MTUS2: variants seen among roughly 807,000 people sequenced by gnomAD.
MTUS2 encodes the protein microtubule-associated tumor suppressor candidate 2.
In MTUS2, 40 loss-of-function variants were observed where a neutral mutation model predicts 114.1. The ratio of observed to expected loss-of-function variants is 0.35; its 90% confidence interval spans 0.27 to 0.46. The LOEUF is 0.46. Among genes scored for constraint, MTUS2 ranks in the 20% least tolerant of loss-of-function variants. The pLI is 1.00. For synonymous variants in MTUS2, 688 were observed against 672.0 expected (o/e 1.02, Z -0.37); for missense variants, 1,679 against 1,705.4 (o/e 0.98, Z 0.27).
At chr13:29,256,219 A>G (rs183556355) in intron 5 of MTUS2, among the ~76,000 whole-genome samples, 232 of 152,330 alleles carry the variant, frequency 1.5e-3, no homozygotes, top group Non-Finnish European at 2.1e-3. Flanking sequence ...GCTTATCCCA[A>G]TGGTGGTTGG....
At chr13:29,457,580 A>G (rs1879210967) in intron 9 of MTUS2, among the ~76,000 whole-genome samples, 1 of 152,096 alleles carries the variant, frequency 6.6e-6, no homozygotes, top group African/African-American at 2.4e-5. Context: ...CTGTCTTGCT[A>G]TTATAAATAA....
chr13:28,927,637 A>G (rs543059591), intron 2 of MTUS2, among the ~76,000 whole-genome samples: 3 of 152,356 alleles, frequency 2.0e-5, no homozygotes, highest in Non-Finnish European at 4.4e-5. Context: ...CAGCCAAGCA[A>G]TAATCCTAGA....
intron 2 of MTUS2, among the ~76,000 whole-genome samples, chr13:28,962,205 G>A (rs989674304): frequency 6.6e-6 from 1 of 151,892 alleles, no homozygotes; most frequent in East Asian, 1.9e-4. Flanking sequence ...AAGCGTGTAT[G>A]TGTATATATA....
intron 4 of MTUS2, among the ~76,000 whole-genome samples, chr13:29,050,301 C>T (rs547539101): frequency 6.6e-6 from 1 of 152,262 alleles, no homozygotes; most frequent in Non-Finnish European, 1.5e-5. Context: ...GACTGGAACT[C>T]CCCCTTATGC....
At chr13:29,332,984 C>A (rs1900869219) in intron 7 of MTUS2, among the ~76,000 whole-genome samples, 1 of 151,666 alleles carries the variant, frequency 6.6e-6, no homozygotes, top group Admixed American at 6.6e-5. Flanking sequence ...TTAGATCTTT[C>A]CCGCTTTCTC....
At chr13:29,207,213 A>T (rs879856534) in intron 5 of MTUS2, among the ~76,000 whole-genome samples, 10 of 152,046 alleles carry the variant, frequency 6.6e-5, no homozygotes, top group Admixed American at 1.3e-4. Flanking sequence ...GAGTTCTTTA[A>T]TTGATTGTCA....
intron 9 of MTUS2, among the ~76,000 whole-genome samples, chr13:29,478,832 G>T (rs1880921609): frequency 6.6e-6 from 1 of 152,088 alleles, no homozygotes; most frequent in Non-Finnish European, 1.5e-5. Flanking sequence ...GACCACTGGG[G>T]ACAGTGTTAG....
At chr13:29,164,273 C>A (rs929158390) in intron 5 of MTUS2, among the ~76,000 whole-genome samples, 6 of 152,222 alleles carry the variant, frequency 3.9e-5, no homozygotes, top group Admixed American at 3.9e-4. Context: ...CCTTTCCAGG[C>A]TCCAGTCAGC....
chr13:29,087,675 A>G (rs1303540937), intron 4 of MTUS2, among the ~76,000 whole-genome samples: 1 of 152,174 alleles, frequency 6.6e-6, no homozygotes, highest in Non-Finnish European at 1.5e-5. Context: ...GCCTCATGAA[A>G]TGAGTTAGGA....
Position 29,101,968 on chromosome 13 carries a change from A to G in MTUS2, c.2644+998A>G, listed in dbSNP as rs561233073. On this transcript the variant is annotated intron_variant, in intron 5 of 15. Coordinates refer to ENST00000612955, the MANE Select transcript of MTUS2 (RefSeq NM_001033602.4). ...GTTATTTATAAAAGTAATACATTAC[A>G]TTTCCCTTTGTCTTGATGTGTTTGT... 2.3e-3 allele frequency among the ~76,000 whole-genome samples: 349 copies of G among 152,324 alleles called. 1 individual carries two copies. Among genetic ancestry groups the G allele is most frequent in the South Asian group, 4.6e-3 (22 of 4,834 alleles).
At chr13:29,422,571 A>G (rs1876190255) in intron 8 of MTUS2, among the ~76,000 whole-genome samples, 1 of 152,172 alleles carries the variant, frequency 6.6e-6, no homozygotes, top group South Asian at 2.1e-4. Flanking sequence ...AGGAGTAAAA[A>G]TCACCGCAAA....
chr13:29,171,627 A>G (rs1893567245), intron 5 of MTUS2, among the ~76,000 whole-genome samples: 1 of 152,240 alleles, frequency 6.6e-6, no homozygotes, highest in African/African-American at 2.4e-5. Flanking sequence ...CACGTGACAC[A>G]AAATTCAAAA....
At chr13:29,483,381 T>C (rs895291781) in intron 10 of MTUS2, among the ~76,000 whole-genome samples, 1 of 152,248 alleles carries the variant, frequency 6.6e-6, no homozygotes, top group African/African-American at 2.4e-5. Context: ...TGCTTCTTGC[T>C]TGGCCCCCCG....
intron 8 of MTUS2, among the ~76,000 whole-genome samples, chr13:29,387,448 A>G (rs1872701689): frequency 6.6e-6 from 1 of 152,156 alleles, no homozygotes; most frequent in South Asian, 2.1e-4. Flanking sequence ...GGGCAGGTGA[A>G]TGAAGGCTCT....
chr13:29,324,222 C>T (rs1025520933), intron 6 of MTUS2, among the ~76,000 whole-genome samples: 3 of 152,214 alleles, frequency 2.0e-5, no homozygotes, highest in Admixed American at 6.5e-5. Flanking sequence ...GCAGCTACAG[C>T]GTCCTTCCCT....
At chr13:29,236,571 G>A (rs1222073580) in intron 5 of MTUS2, among the ~76,000 whole-genome samples, 2 of 152,194 alleles carry the variant, frequency 1.3e-5, no homozygotes, top group East Asian at 3.9e-4. Context: ...TAATGGGCAA[G>A]CCCAAATCCA....
intron 6 of MTUS2, among the ~76,000 whole-genome samples, chr13:29,302,295 G>A (rs1277352865): frequency 1.3e-5 from 2 of 152,202 alleles, no homozygotes; most frequent in African/African-American, 4.8e-5. Flanking sequence ...GAACCAGTGA[G>A]TGATTGTGCA....
intron 2 of MTUS2, among the ~76,000 whole-genome samples, chr13:28,999,520 AT>A (rs1885287005): frequency 6.6e-6 from 1 of 152,230 alleles, no homozygotes; most frequent in East Asian, 1.9e-4. Context: ...TAATATACAT[AT>A]TTATGGGGTA....
At chr13:29,261,695 A>T (rs1316378260) in intron 5 of MTUS2, among the ~76,000 whole-genome samples, 2 of 152,222 alleles carry the variant, frequency 1.3e-5, no homozygotes, top group African/African-American at 4.8e-5. Flanking sequence ...TTGGGTTCAC[A>T]TCAGATGGTG....
Sources: gnomAD v4.1 joint callset for allele counts (sites outside exome capture counted in the v4.1 genomes callset) on GRCh38, gnomAD v4.1.1 for gene constraint, MANE v1.5 for transcripts, NCBI Gene and HGNC (gene_info 2026-07-23, HGNC 2026-07-21) for gene names.